Variants in C1orf167 observed in about 807,000 individuals in gnomAD.
C1orf167 encodes the protein uncharacterized protein C1orf167.
A neutral mutation model predicts 176.5 loss-of-function variants in C1orf167; 153 were observed. The observed-to-expected ratio is 0.87, with a 90% CI of 0.76 to 0.99. The LOEUF is 0.99. Ranked by LOEUF, C1orf167 falls within the 50% of genes least tolerant of loss-of-function variation. The pLI, the probability that C1orf167 is intolerant of heterozygous loss-of-function variation, is 0.00. For missense variants in C1orf167, 1,490 were observed against 1,817.7 expected (o/e 0.82, Z 3.28); for synonymous variants, 594 against 752.7 (o/e 0.79, Z 3.45).
chr1:11,768,560 T>C lies in C1orf167; in HGVS notation c.1542+285T>C, dbSNP rs1642911041. Among the ~76,000 whole-genome samples, 1 of 152,216 alleles carries C rather than the reference T, an allele frequency of 6.6e-6. No individual in the cohort carries two copies. The highest frequency in any genetic ancestry group is 2.4e-5 in the African/African-American group (1 of 41,452). On this transcript the variant is annotated intron_variant, in intron 5 of 20. Coordinates refer to ENST00000688073, the MANE Select transcript of C1orf167 (RefSeq NM_001010881.2). The surrounding 1 kb of genome is among the most constrained non-coding windows in gnomAD (Gnocchi z 4.5). Reference sequence around the variant, plus strand: ...ATGGGATGATGATGATAATAGAACATACCTCTCTCAGGGTCGTTGTGAGAT... The same window carrying C: ...ATGGGATGATGATGATAATAGAACACACCTCTCTCAGGGTCGTTGTGAGAT...
At chr1:11,769,741 A>T (rs61773948) in intron 6 of C1orf167, among the ~76,000 whole-genome samples, 2 of 147,408 alleles carry the variant, frequency 1.4e-5, no homozygotes, top group African/African-American at 5.0e-5. Flanking sequence ...GCACAATCTC[A>T]GCTCACTGCA....
intron 19 of C1orf167, 21 bp from the exon 20 acceptor site, chr1:11,788,631 C>T: frequency 7.7e-7 from 1 of 1,303,336 alleles, no homozygotes; most frequent in Non-Finnish European, 1.0e-6. Flanking sequence ...AAGAGGCCTT[C>T]TCTGCCAACT....
intron 7 of C1orf167, 106 bp from the exon 8 acceptor site, chr1:11,771,975 TG>T: frequency 2.2e-5 from 18 of 836,698 alleles, no homozygotes; most frequent in Non-Finnish European, 2.3e-5. Context: ...TACTCAGAGA[TG>T]GGGGGTGCCC....
intron 13 of C1orf167, among the ~76,000 whole-genome samples, 196 bp from the exon 14 acceptor site, chr1:11,781,993 C>T (rs1643624242): frequency 6.6e-6 from 1 of 152,050 alleles, no homozygotes; most frequent in South Asian, 2.1e-4. Context: ...CAAACAAAAA[C>T]AAACCCAACA....
chr1:11,775,735 C>A, intron 9 of C1orf167, 125 bp downstream of exon 9: 1 of 1,161,016 alleles, frequency 8.6e-7, no homozygotes, highest in Non-Finnish European at 1.1e-6. Context: ...GGAGGGCAGC[C>A]TGTAGGCCTG....
Position 11,784,572 on chromosome 1 carries a change from CT to C in C1orf167, c.3406del (p.Ser1136ProfsTer9). ...SCRGQVSRAH[A>X]SWKPRAWVLE... ...CGGGGCCAGGTCAGCCGAGCCCATG[CT>C]TCCTGGAAGCCGCGAGCCTGGTGAG... On this transcript the variant is annotated frameshift_variant, in exon 15 of 21. Coordinates refer to ENST00000688073, the MANE Select transcript of C1orf167 (RefSeq NM_001010881.2). LOFTEE classifies it high-confidence loss of function. 6 of 1,263,110 alleles carry C rather than the reference CT, an allele frequency of 4.8e-6. No individual in the cohort carries two copies. Among genetic ancestry groups the C allele is most frequent in the Non-Finnish European group, 6.2e-6 (6 of 967,894 alleles). The allele number at this position is 1,263,110 out of a possible 1,614,324, so 78.2% of individuals were successfully genotyped here.
Position 11,779,979 on chromosome 1 carries a change from T to G in C1orf167, c.2829T>G (p.Asp943Glu). ...AGCGGGGCTGGCGGCTGGCACGAGA[T>G]GCCCTATGCCACTGGCACTCCTGTT... ...AQERGWRLAR[D>E]ALCHWHSCWQ... The change falls in exon 13 of 21, where the codon GAT (aspartate) becomes GAG (glutamate). Residue 943 changes from aspartate (D) to glutamate (E), a missense_variant. Asp to Glu is a conservative substitution (Grantham distance 45). Coordinates refer to ENST00000688073, the MANE Select transcript of C1orf167 (RefSeq NM_001010881.2). The G allele has an allele frequency of 1.5e-6, 2 of 1,292,036 alleles. No individual in the cohort carries two copies. Among genetic ancestry groups the G allele is most frequent in the Non-Finnish European group, 2.0e-6 (2 of 981,172 alleles). 80.0% of individuals were successfully genotyped at this position (1,292,036 alleles called of 1,614,324 possible). A position where few individuals can be genotyped will look rare whatever the true frequency, so the allele number is the denominator to read the frequency against.
chr1:11,769,882 A>G lies in C1orf167; in HGVS notation c.1697+755A>G, dbSNP rs945141681. ...GAGACGGGGTTTCACCGTATTAGCC[A>G]GGACCTCAAGTGATCCACCTGCCTC... On this transcript the variant is annotated intron_variant, in intron 6 of 20. Coordinates refer to ENST00000688073, the MANE Select transcript of C1orf167 (RefSeq NM_001010881.2). 2.0e-5 allele frequency among the ~76,000 whole-genome samples: 3 copies of G among 152,090 alleles called. No homozygotes were observed. In the East Asian group the frequency reaches 5.8e-4, roughly 29 times the overall value.
chr1:11,783,202 C>G (rs1643674976), intron 14 of C1orf167, among the ~76,000 whole-genome samples: 1 of 152,104 alleles, frequency 6.6e-6, no homozygotes, highest in Admixed American at 6.5e-5. Flanking sequence ...TACAGAATGG[C>G]TGACGTCTGT....
At chr1:11,789,219 A>G in intron 20 of C1orf167, 51 bp from the exon 21 acceptor site, 1 of 1,293,940 alleles carries the variant, frequency 7.7e-7, no homozygotes, top group South Asian at 1.3e-5. Context: ...CACAGCACAG[A>G]CCCCGGAGAA....
chr1:11,779,568 G>C (rs1025468243), intron 12 of C1orf167: 1 of 313,186 alleles, frequency 3.2e-6, no homozygotes, highest in African/African-American at 2.2e-5. Flanking sequence ...TTGAGCACAG[G>C]ACTTGGCAGT....
Position 11,768,843 on chromosome 1 carries a change from A to T in C1orf167, c.1543-130A>T. Reference sequence around the variant, plus strand: ...TCCCAAAGAAGGAATGAATAGGCAGAGTAATGGTTAAGACCACAGGCTGTG... The same window carrying T: ...TCCCAAAGAAGGAATGAATAGGCAGTGTAATGGTTAAGACCACAGGCTGTG... On this transcript the variant is annotated intron_variant, in intron 5 of 20. Transcript: ENST00000688073. This position sits in a 1 kb window ranked among gnomAD's most constrained non-coding sequence, Gnocchi z 4.5. 1.9e-6 allele frequency: 1 copy of T among 536,448 alleles called. No individual in the cohort carries two copies. Among genetic ancestry groups the T allele is most frequent in the Non-Finnish European group, 2.4e-6 (1 of 419,628 alleles). 33.2% of individuals were successfully genotyped at this position (536,448 alleles called of 1,614,324 possible). A position where few individuals can be genotyped will look rare whatever the true frequency, so the allele number is the denominator to read the frequency against.
At position 11,766,143 on chromosome 1, in the gene C1orf167, C is replaced by T. The variant is rs138855427; in HGVS notation, c.357C>T (p.Ala119=). Residue 119 remains alanine, a synonymous_variant, in exon 3 of 21, where the codon GCC becomes GCT. Transcript: ENST00000688073. The surrounding 1 kb of genome is among the most constrained non-coding windows in gnomAD (Gnocchi z 4.5). The part of the protein sequence containing the change: ...RRRQGKAREF[A]IQQSNLSINE... Reference sequence around the variant, plus strand: ...GCCAAGGGAAGGCCCGAGAGTTTGCCATCCAGCAGAGCAACCTGAGCATCA... The same window carrying T: ...GCCAAGGGAAGGCCCGAGAGTTTGCTATCCAGCAGAGCAACCTGAGCATCA... 8.3e-4 allele frequency: 1,065 copies of T among 1,289,872 alleles called. 5 individuals carry two copies. The African/African-American group carries it at 9.1e-3, about 11-fold the overall frequency. 79.9% of individuals were successfully genotyped at this position (1,289,872 alleles called of 1,614,324 possible).
intron 6 of C1orf167, among the ~76,000 whole-genome samples, chr1:11,769,699 T>A (rs1369869947): frequency 7.1e-6 from 1 of 140,006 alleles, no homozygotes; most frequent in African/African-American, 2.7e-5. Flanking sequence ...TGAGATGGAG[T>A]CTCGCTCTGT....
Position 11,778,693 on chromosome 1 carries a change from G to T in C1orf167, c.2373G>T (p.Leu791=), listed in dbSNP as rs776772652. 1 of 1,303,164 alleles carries T rather than the reference G, an allele frequency of 7.7e-7. No individual in the cohort carries two copies. The highest frequency in any genetic ancestry group is 1.2e-5 in the South Asian group (1 of 80,962). The allele number at this position is 1,303,164 out of a possible 1,614,324, so 80.7% of individuals were successfully genotyped here. A position where few individuals can be genotyped will look rare whatever the true frequency, so the allele number is the denominator to read the frequency against. ...TCCAGGGCCTGCAGCAGCGGATGCT[G>T]CAGCGCAGCCTGAGATGGTGGCACT... The part of the protein sequence containing the change: ...SFFQGLQQRM[L]QRSLRWWHLR... Residue 791 remains leucine, a synonymous_variant, in exon 11 of 21, where the codon CTG becomes CTT. Coordinates refer to ENST00000688073, the MANE Select transcript of C1orf167 (RefSeq NM_001010881.2).
Position 11,766,195 on chromosome 1 carries a change from C to T in C1orf167, c.409C>T (p.Pro137Ser). The T allele has an allele frequency of 7.8e-7, 1 of 1,289,732 alleles. No homozygotes were observed. The highest frequency in any genetic ancestry group is 1.0e-6 in the Non-Finnish European group (1 of 988,804). 79.9% of individuals were successfully genotyped at this position (1,289,732 alleles called of 1,614,324 possible). A position where few individuals can be genotyped will look rare whatever the true frequency, so the allele number is the denominator to read the frequency against. Residue 137 changes from proline to serine, a missense_variant, in exon 3 of 21, where the codon CCA (proline) becomes TCA (serine). Pro to Ser is a moderately conservative substitution (Grantham distance 74). Transcript: ENST00000688073. This position sits in a 1 kb window ranked among gnomAD's most constrained non-coding sequence, Gnocchi z 4.5. Reference protein sequence around the residue: ...INETSSPHLCPEPGGSSGPHK... With the variant: ...INETSSPHLCSEPGGSSGPHK... ...CGAGACCAGCAGCCCCCACCTCTGC[C>T]CAGAGCCTGGGGGAAGCTCTGGGCC...
chr1:11,765,958 C>T lies in C1orf167; in HGVS notation c.172C>T (p.Pro58Ser), dbSNP rs1479079831. Residue 58 changes from proline to serine, a missense_variant, in exon 3 of 21, where the codon CCC becomes TCC. By Grantham distance (74) the Pro-to-Ser change is moderately conservative. Transcript: ENST00000688073. ...GGAGAGGGGAGGGCCTGCTGCCACA[C>T]CCTCCCCAGGGGCAGTGCTAGACCA... ...QVERGGPAATPSPGAVLDQEP... is the reference protein window; with the variant it reads ...QVERGGPAATSSPGAVLDQEP... The T allele has an allele frequency of 9.4e-6, 12 of 1,272,696 alleles. No homozygotes were observed. Among genetic ancestry groups the T allele is most frequent in the Non-Finnish European group, 1.2e-5 (12 of 977,942 alleles). The allele number at this position is 1,272,696 out of a possible 1,614,324, so 78.8% of individuals were successfully genotyped here.
chr1:11,782,844 G>A lies in C1orf167; in HGVS notation c.3005+511G>A, dbSNP rs533550013. On this transcript the variant is annotated intron_variant, in intron 14 of 20. Transcript: ENST00000688073. ...TCAGGCAGGAGAATCACTTGAATCC[G>A]GGAGGCGGAGGTTGCAGTGAGCCGA... Among the ~76,000 whole-genome samples, 14 of 151,132 alleles carry A rather than the reference G, an allele frequency of 9.3e-5. 1 individual carries two copies. Among genetic ancestry groups the A allele is most frequent in the Non-Finnish European group, 1.6e-4 (11 of 67,874 alleles).
chr1:11,772,095 G>A lies in C1orf167; in HGVS notation c.1824G>A (p.Trp608Ter). 2 of 1,303,766 alleles carry A rather than the reference G, an allele frequency of 1.5e-6. No individual in the cohort carries two copies. The highest frequency in any genetic ancestry group is 2.0e-6 in the Non-Finnish European group (2 of 988,744). The allele number at this position is 1,303,766 out of a possible 1,614,324, so 80.8% of individuals were successfully genotyped here. The change falls in exon 8 of 21, where the codon TGG (tryptophan) becomes TGA (stop). Residue 608 changes from tryptophan (W) to a stop codon, truncating the protein, a stop_gained. Transcript: ENST00000688073. LOFTEE classifies it high-confidence loss of function. ...QALQLAVFFL[W>*]CQQKKRARQE... ...CTCTCTCCTTAGTGTTCTTCCTGTG[G>A]TGCCAACAGAAGAAACGGGCCAGAC...
Sources: allele counts gnomAD v4.1 joint callset (sites outside exome capture counted in the v4.1 genomes callset), GRCh38; gene constraint gnomAD v4.1.1; non-coding constraint Gnocchi (gnomAD v3.1); transcripts MANE v1.5; gene names NCBI Gene and HGNC (gene_info 2026-07-23, HGNC 2026-07-21).